IQGAP1: variants seen among roughly 807,000 people sequenced by gnomAD.
IQGAP1 encodes the protein ras GTPase-activating-like protein IQGAP1.
IQGAP1 carries 66 observed loss-of-function variants against 215.6 expected under a neutral mutation model. That is an observed-to-expected ratio of 0.31 (90% CI 0.25 to 0.38). The LOEUF (loss-of-function observed/expected upper bound fraction) is 0.38. Ranked by LOEUF, IQGAP1 falls within the 10% of genes least tolerant of loss-of-function variation. The pLI, the probability that IQGAP1 is intolerant of heterozygous loss-of-function variation, is 1.00. For synonymous variants in IQGAP1, 772 were observed against 728.7 expected, an observed-to-expected ratio of 1.06 and a Z score of -0.96; for missense variants, 1,712 against 1,997.1, an observed-to-expected ratio of 0.86 and a Z score of 2.72.
chr15:90,391,005 G>T (rs939828963), intron 2 of IQGAP1, 132 bp downstream of exon 2: 34 of 611,664 alleles, frequency 5.6e-5, no homozygotes, highest in Middle Eastern at 3.3e-4. Context: ...AGGCCGAGGT[G>T]GGGGGGAATC....
chr15:90,484,761 G>A (rs531359289), intron 30 of IQGAP1, among the ~76,000 whole-genome samples: 3 of 152,098 alleles, frequency 2.0e-5, no homozygotes, highest in Admixed American at 6.5e-5. Context: ...TGCCCACCTC[G>A]GCCCCCAAAA....
intron 3 of IQGAP1, among the ~76,000 whole-genome samples, chr15:90,426,977 C>G (rs1311151117): frequency 6.6e-6 from 1 of 150,928 alleles, no homozygotes; most frequent in East Asian, 1.9e-4. Flanking sequence ...AAAAGAAAGC[C>G]TAATTTTAGG....
intron 15 of IQGAP1, among the ~76,000 whole-genome samples, chr15:90,463,710 T>C (rs1024061884): frequency 6.6e-6 from 1 of 152,210 alleles, no homozygotes; most frequent in Admixed American, 6.5e-5. Flanking sequence ...TCTTTCCCTT[T>C]CCCAAGACTG....
chr15:90,388,533 GGGGCGGC>G (rs1020080694), intron 1 of IQGAP1, 137 bp downstream of exon 1: 46 of 746,634 alleles, frequency 6.2e-5, no homozygotes, highest in African/African-American at 3.2e-4. Flanking sequence ...CCGTCCCGGT[GGGGCGGC>G]GGGCGGCGGG....
chr15:90,402,076 C>G (rs1964812585), intron 2 of IQGAP1, among the ~76,000 whole-genome samples: 1 of 152,128 alleles, frequency 6.6e-6, no homozygotes, highest in Admixed American at 6.6e-5. Flanking sequence ...CATTAAGTAA[C>G]TTGTGTAGTT....
At chr15:90,424,985 T>A (rs1484211821) in intron 2 of IQGAP1, among the ~76,000 whole-genome samples, 9 of 152,128 alleles carry the variant, frequency 5.9e-5, no homozygotes, top group Non-Finnish European at 1.0e-4. Context: ...TCCTTCGATA[T>A]TCACAGGATT....
chr15:90,443,614 T>C (rs1444315627), intron 9 of IQGAP1, 136 bp downstream of exon 9: 6 of 586,322 alleles, frequency 1.0e-5, no homozygotes, highest in African/African-American at 3.8e-5. Flanking sequence ...TAATTGCTTG[T>C]TAACAATCTT....
intron 2 of IQGAP1, among the ~76,000 whole-genome samples, chr15:90,397,084 C>T (rs1964732597): frequency 6.6e-6 from 1 of 152,100 alleles, no homozygotes; most frequent in Non-Finnish European, 1.5e-5. Context: ...AACTCCTGAC[C>T]TCAAGTGATC....
At chr15:90,451,833 CT>C (rs1000688423) in intron 11 of IQGAP1, among the ~76,000 whole-genome samples, 424 of 139,422 alleles carry the variant, frequency 3.0e-3, no homozygotes, top group African/African-American at 5.5e-3. Flanking sequence ...TCTGTGTGCC[CT>C]TTTTTTTTTT....
intron 8 of IQGAP1, among the ~76,000 whole-genome samples, chr15:90,442,102 T>G (rs1965458633): frequency 6.6e-6 from 1 of 152,192 alleles, no homozygotes; most frequent in African/African-American, 2.4e-5. Flanking sequence ...TTGGAAAGAT[T>G]ATCTCTAAAT....
At chr15:90,422,537 TAA>T (rs1446489008) in intron 2 of IQGAP1, among the ~76,000 whole-genome samples, 2 of 150,244 alleles carry the variant, frequency 1.3e-5, no homozygotes, top group Non-Finnish European at 3.0e-5. Context: ...TATGTAAACT[TAA>T]AGTCTTCAGA....
At position 90,491,223 on chromosome 15, in the gene IQGAP1, C is replaced by T. The variant is rs886807833; in HGVS notation, c.4249-110C>T. The T allele has an allele frequency of 1.7e-5, 15 of 865,024 alleles. No homozygotes were observed. In the African/African-American group the frequency reaches 2.6e-4, roughly 15 times the overall value. The allele number at this position is 865,024 out of a possible 1,614,324, so 53.6% of individuals were successfully genotyped here. The stretch of plus-strand genomic sequence containing the variant: ...GGGCAGAATTTGTTTCCTTCTGTTT[C>T]AAGGTTGGAGTTTAAGAACTGTATA... On this transcript the variant is annotated intron_variant, in intron 33 of 37. Transcript: ENST00000268182.
chr15:90,493,505 G>A (rs1394345550), intron 35 of IQGAP1, among the ~76,000 whole-genome samples: 1 of 152,186 alleles, frequency 6.6e-6, no homozygotes, highest in Non-Finnish European at 1.5e-5. Context: ...GGTGATAAGA[G>A]CAGGTTTTAC....
chr15:90,482,394 C>A, intron 28 of IQGAP1, 113 bp downstream of exon 28: 2 of 954,002 alleles, frequency 2.1e-6, no homozygotes, highest in Non-Finnish European at 3.3e-6. Flanking sequence ...AGTAGCTTAC[C>A]ATTGATTGTG....
chr15:90,465,852 C>G (rs191600898), intron 15 of IQGAP1, 149 bp from the exon 16 acceptor site: 118 of 652,322 alleles, frequency 1.8e-4, no homozygotes, highest in Non-Finnish European at 2.8e-4. Flanking sequence ...TTTGATGCCT[C>G]CTTCTTCCAT....
At chr15:90,442,902 G>A (rs1364949549) in intron 8 of IQGAP1, among the ~76,000 whole-genome samples, 3 of 152,182 alleles carry the variant, frequency 2.0e-5, no homozygotes, top group Admixed American at 2.0e-4. Flanking sequence ...AACCCAGGAG[G>A]CAGAGTTTTT....
intron 15 of IQGAP1, among the ~76,000 whole-genome samples, chr15:90,463,078 GTC>G (rs1965785290): frequency 6.6e-6 from 1 of 152,078 alleles, no homozygotes; most frequent in South Asian, 2.1e-4. Flanking sequence ...AGTGTATGCT[GTC>G]TCTCTTTCCT....
At chr15:90,441,759 C>G (rs911781631) in intron 8 of IQGAP1, 75 bp downstream of exon 8, 1 of 1,065,494 alleles carries the variant, frequency 9.4e-7, no homozygotes, top group Non-Finnish European at 1.4e-6. Flanking sequence ...GTTTAAACAT[C>G]AGTTTTATTG....
At chr15:90,478,736 A>T (rs1966013943) in intron 26 of IQGAP1, among the ~76,000 whole-genome samples, 1 of 152,134 alleles carries the variant, frequency 6.6e-6, no homozygotes, top group Admixed American at 6.6e-5. Flanking sequence ...ACTTAAATGG[A>T]CCCTGGCATA....
Sources: gnomAD v4.1 joint callset for allele counts (sites outside exome capture counted in the v4.1 genomes callset) on GRCh38, gnomAD v4.1.1 for gene constraint, MANE v1.5 for transcripts, NCBI Gene and HGNC (gene_info 2026-07-23, HGNC 2026-07-21) for gene names.